NT5DC1: variants seen among roughly 807,000 people sequenced by gnomAD.
The protein encoded by NT5DC1 is 5'-nucleotidase domain-containing protein 1.
A neutral mutation model predicts 59.4 loss-of-function variants in NT5DC1; 42 were observed. The ratio of observed to expected loss-of-function variants is 0.71; its 90% CI spans 0.55 to 0.92. The LOEUF is 0.92. NT5DC1 is among the 40% of genes least tolerant of loss of function. The pLI is 0.00. For synonymous variants in NT5DC1, 172 were observed against 188.1 expected, an observed-to-expected ratio of 0.91 and a Z score of 0.70; for missense variants, 501 against 537.1, an observed-to-expected ratio of 0.93 and a Z score of 0.66.
At chr6:116,177,955 T>C (rs1419914741) in intron 6 of NT5DC1, among the ~76,000 whole-genome samples, 1 of 152,090 alleles carries the variant, frequency 6.6e-6, no homozygotes, top group Non-Finnish European at 1.5e-5. Context: ...TTTCATAGTA[T>C]AAAAATACCA....
intron 6 of NT5DC1, among the ~76,000 whole-genome samples, chr6:116,181,152 C>G (rs1780864065): frequency 6.6e-6 from 1 of 151,772 alleles, no homozygotes; most frequent in African/African-American, 2.4e-5. Flanking sequence ...ATGAGTATAG[C>G]AGTTTGTTAT....
intron 6 of NT5DC1, chr6:116,137,103 TTGA>T (rs759738057): frequency 8.3e-5 from 18 of 216,960 alleles, no homozygotes; most frequent in Non-Finnish European, 1.8e-4. Context: ...CAGTGTTTGC[TTGA>T]TGAAATACCA....
intron 6 of NT5DC1, among the ~76,000 whole-genome samples, chr6:116,146,001 T>C (rs935682676): frequency 4.6e-5 from 7 of 152,218 alleles, no homozygotes; most frequent in African/African-American, 7.2e-5. Flanking sequence ...TACTTACTTC[T>C]GGAAAGCACC....
At chr6:116,129,910 A>G (rs1206999787) in intron 6 of NT5DC1, among the ~76,000 whole-genome samples, 1 of 152,034 alleles carries the variant, frequency 6.6e-6, no homozygotes, top group Non-Finnish European at 1.5e-5. Context: ...CAGGTTTGAG[A>G]TACACACATT....
intron 6 of NT5DC1, among the ~76,000 whole-genome samples, chr6:116,215,591 T>A (rs578059700): frequency 1.1e-3 from 165 of 152,296 alleles, no homozygotes; most frequent in African/African-American, 3.7e-3. Context: ...GGATTTGTTA[T>A]ATTTTGAATA....
At chr6:116,177,490 T>C (rs556044186) in intron 6 of NT5DC1, among the ~76,000 whole-genome samples, 66 of 152,300 alleles carry the variant, frequency 4.3e-4, no homozygotes, top group African/African-American at 1.6e-3. Context: ...TTTAATGATA[T>C]AAATTTTCTA....
At chr6:116,224,036 T>G (rs1781860584) in intron 8 of NT5DC1, among the ~76,000 whole-genome samples, 3 of 152,196 alleles carry the variant, frequency 2.0e-5, no homozygotes, top group Admixed American at 1.3e-4. Flanking sequence ...AATATATGAT[T>G]TATAATTTTA....
chr6:116,119,228 G>A (rs1191615402), intron 6 of NT5DC1: 2 of 152,600 alleles, frequency 1.3e-5, no homozygotes, highest in African/African-American at 4.8e-5. Flanking sequence ...GAGGCACAAG[G>A]TACATGTGCT....
At chr6:116,162,388 G>GT (rs1562145356) in intron 6 of NT5DC1, among the ~76,000 whole-genome samples, 1 of 152,146 alleles carries the variant, frequency 6.6e-6, no homozygotes, top group Non-Finnish European at 1.5e-5. Context: ...ATTTTTCCCT[G>GT]TAAGTATGAT....
intron 11 of NT5DC1, 110 bp from the exon 12 acceptor site, chr6:116,243,799 A>T (rs1480199286): frequency 1.8e-6 from 1 of 543,426 alleles, no homozygotes; most frequent in African/African-American, 1.9e-5. Flanking sequence ...AAGAAATATT[A>T]AAATTTTACG....
intron 6 of NT5DC1, among the ~76,000 whole-genome samples, chr6:116,205,246 T>C (rs7770203): frequency 0.43 from 64,534 of 151,712 alleles, 17,681 homozygotes; most frequent in African/African-American, 0.78. Context: ...CAAAATAAGC[T>C]GGGCTGGACA....
intron 4 of NT5DC1, among the ~76,000 whole-genome samples, chr6:116,113,032 A>G (rs1362459532): frequency 6.6e-6 from 1 of 152,260 alleles, no homozygotes; most frequent in Non-Finnish European, 1.5e-5. Context: ...TTGACCTAAC[A>G]TAAGAACAGT....
chr6:116,203,960 T>A (rs1781395634), intron 6 of NT5DC1, among the ~76,000 whole-genome samples: 1 of 151,940 alleles, frequency 6.6e-6, no homozygotes, highest in Non-Finnish European at 1.5e-5. Context: ...AGACGACAGA[T>A]GCCCTGACAC....
At chr6:116,119,027 C>G (rs1414794026) in intron 6 of NT5DC1, 1 of 152,590 alleles carries the variant, frequency 6.6e-6, no homozygotes, top group African/African-American at 2.4e-5. Context: ...GCCTAAAAAT[C>G]TATTGATGTT....
At chr6:116,145,076 A>T (rs1779863118) in intron 6 of NT5DC1, among the ~76,000 whole-genome samples, 1 of 152,210 alleles carries the variant, frequency 6.6e-6, no homozygotes, top group African/African-American at 2.4e-5. Context: ...TAAATCTAAT[A>T]TATCAGCAAA....
chr6:116,186,512 G>C (rs565736365), intron 6 of NT5DC1, among the ~76,000 whole-genome samples: 1 of 151,986 alleles, frequency 6.6e-6, no homozygotes, highest in East Asian at 1.9e-4. Flanking sequence ...AGGAACACCA[G>C]TTGTTCTTAG....
intron 6 of NT5DC1, among the ~76,000 whole-genome samples, chr6:116,139,376 G>T (rs759234986): frequency 1.5e-4 from 23 of 152,084 alleles, no homozygotes; most frequent in Non-Finnish European, 2.4e-4. Flanking sequence ...GAATAATACA[G>T]TCTAAAGCTG....
chr6:116,191,104 A>G (rs1227170920), intron 6 of NT5DC1, among the ~76,000 whole-genome samples: 2 of 151,976 alleles, frequency 1.3e-5, no homozygotes, highest in East Asian at 1.9e-4. Context: ...GTTAAATGCA[A>G]ATATCTGTGG....
rs71554843 is a variant in NT5DC1, at chr6:116,172,317, C to CTT, written c.530-48716_530-48715dup. ...TCATTTTAGTATAACCCCTTAGTAACTTTTTTTTTTTTTTTTTTTTTTGAG... is the reference window on the plus strand; with the variant it reads ...TCATTTTAGTATAACCCCTTAGTAACTTTTTTTTTTTTTTTTTTTTTTTTGAG... On this transcript the variant is annotated intron_variant, in intron 6 of 11. Transcript: ENST00000319550. Among the ~76,000 whole-genome samples the CTT allele has an allele frequency of 9.3e-3, 1,001 of 107,976 alleles. 16 individuals are homozygous for CTT. The highest frequency in any genetic ancestry group is 0.01 in the Non-Finnish European group (569 of 54,462). 70.8% of individuals were successfully genotyped at this position (107,976 alleles called of 152,430 possible).
Sources: gnomAD v4.1 joint callset for allele counts (sites outside exome capture counted in the v4.1 genomes callset) on GRCh38, gnomAD v4.1.1 for gene constraint, MANE v1.5 for transcripts, NCBI Gene and HGNC (gene_info 2026-07-23, HGNC 2026-07-21) for gene names.